ZNF280B: variants seen among roughly 807,000 people sequenced by gnomAD.
ZNF280B encodes suppressor of hairy wing homolog 2.
In ZNF280B, 16 loss-of-function variants were observed where a neutral mutation model predicts 38.0. The ratio of observed to expected loss-of-function variants is 0.42; its 90% confidence interval spans 0.28 to 0.64. The LOEUF (loss-of-function observed/expected upper bound fraction) is 0.64. ZNF280B is among the 30% of genes least tolerant of loss of function. ZNF280B has a pLI of 0.21. For missense variants in ZNF280B, 581 were observed against 639.6 expected, an observed-to-expected ratio of 0.91 and a Z score of 0.99; for synonymous variants, 253 against 230.6, an observed-to-expected ratio of 1.10 and a Z score of -0.88.
intron 2 of ZNF280B, among the ~76,000 whole-genome samples, chr22:22,502,366 C>T (rs573660369): frequency 6.6e-6 from 1 of 152,010 alleles, no homozygotes; most frequent in South Asian, 2.1e-4. Flanking sequence ...TAAACTTGTA[C>T]TTTGGAAAAG....
intron 2 of ZNF280B, among the ~76,000 whole-genome samples, chr22:22,506,955 A>C (rs540634273): frequency 2.6e-5 from 4 of 152,012 alleles, no homozygotes; most frequent in African/African-American, 9.6e-5. Context: ...GGCCTGTGGG[A>C]TCAAGCACAT....
At chr22:22,493,998 T>A (rs959200205) in intron 3 of ZNF280B, 65 bp downstream of exon 3, 1 of 151,046 alleles carries the variant, frequency 6.6e-6, no homozygotes, top group East Asian at 2.0e-4. Flanking sequence ...CAGGTTAAGA[T>A]GTATTCATGA....
At chr22:22,491,612 C>G (rs1431448630) in intron 3 of ZNF280B, among the ~76,000 whole-genome samples, 6 of 151,716 alleles carry the variant, frequency 4.0e-5, no homozygotes, top group African/African-American at 1.5e-4. Context: ...GCACATGCCA[C>G]CACACCCAGC....
Position 22,496,521 on chromosome 22 carries a change from G to C in ZNF280B, c.-186-2341C>G, listed in dbSNP as rs2061698646. 2.0e-5 allele frequency among the ~76,000 whole-genome samples: 3 copies of C among 151,870 alleles called. 1 individual carries two copies. Among genetic ancestry groups the C allele is most frequent in the Non-Finnish European group, 4.4e-5 (3 of 68,010 alleles). ...TGTTTTATTTAGTTGCCCTGGGATG[G>C]AATACAAATGTTTGCTGTAGTTTTA... On this transcript the variant is annotated intron_variant, in intron 2 of 3. Transcript: ENST00000626650.
chr22:22,495,467 A>G (rs2061675481), intron 2 of ZNF280B, among the ~76,000 whole-genome samples: 1 of 152,024 alleles, frequency 6.6e-6, no homozygotes, highest in African/African-American at 2.4e-5. Context: ...GATAGTAAGT[A>G]TAATAAAAAT....
In ZNF280B at chr22:22,489,460, C is replaced by T; in HGVS notation, c.-62G>A. ...AGTCCCAATGCTTCCTTTATATAAA[C>T]TGCCACCTAAGTACAAACATACATC... On this transcript the variant is annotated 5_prime_UTR_variant, in exon 4 of 4. Coordinates refer to ENST00000626650, the MANE Select transcript of ZNF280B (RefSeq NM_080764.4). The T allele has an allele frequency of 7.0e-7, 1 of 1,424,812 alleles. No individual in the cohort carries two copies. The highest frequency in any genetic ancestry group is 9.5e-7 in the Non-Finnish European group (1 of 1,054,194). The allele number at this position is 1,424,812 out of a possible 1,614,324, so 88.3% of individuals were successfully genotyped here. A position where few individuals can be genotyped will look rare whatever the true frequency, so the allele number is the denominator to read the frequency against.
rs2061519867 is a variant in ZNF280B at position 22,487,645 on chromosome 22, T to C, written c.*122A>G. 1.3e-6 allele frequency: 1 copy of C among 747,294 alleles called. No individual in the cohort carries two copies. Among genetic ancestry groups the C allele is most frequent in the Non-Finnish European group, 2.1e-6 (1 of 471,352 alleles). 46.3% of individuals were successfully genotyped at this position (747,294 alleles called of 1,614,324 possible). A position where few individuals can be genotyped will look rare whatever the true frequency, so the allele number is the denominator to read the frequency against. On this transcript the variant is annotated 3_prime_UTR_variant, in exon 4 of 4. Transcript: ENST00000626650. ...ATCCTGAATCTTGTTTAAAAAGTCA[T>C]ATATAATCCACTAGTTTCACTATTT...
rs372220261 is a variant in ZNF280B, at chr22:22,497,439, G to A, written c.-186-3259C>T. 6.0e-4 allele frequency among the ~76,000 whole-genome samples: 91 copies of A among 151,760 alleles called. 3 individuals carry two copies. Among genetic ancestry groups the A allele is most frequent in the South Asian group, 5.0e-3 (24 of 4,784 alleles). On this transcript the variant is annotated intron_variant, in intron 2 of 3. Coordinates refer to ENST00000626650, the MANE Select transcript of ZNF280B (RefSeq NM_080764.4). ...CCAGCTACTTGGTAGGCTGAGGCAA[G>A]AGAATCAATTGAACCCGGGAGGCGG...
rs918936705 is a variant in ZNF280B at position 22,506,662 on chromosome 22, T to G, written c.-187+1148A>C. On this transcript the variant is annotated intron_variant, in intron 2 of 3. Coordinates refer to ENST00000626650, the MANE Select transcript of ZNF280B (RefSeq NM_080764.4). Reference sequence around the variant, plus strand: ...AGGTGAGGTGATGGTACAATCAGTATGTTTGCTATATTAATGATCTGGAGA... The same window carrying G: ...AGGTGAGGTGATGGTACAATCAGTAGGTTTGCTATATTAATGATCTGGAGA... 2.0e-5 allele frequency among the ~76,000 whole-genome samples: 3 copies of G among 151,852 alleles called. No homozygotes were observed. In the East Asian group the frequency reaches 5.9e-4, roughly 30 times the overall value.
At position 22,496,081 on chromosome 22, in the gene ZNF280B, C is replaced by G. The variant is rs552032558; in HGVS notation, c.-186-1901G>C. Among the ~76,000 whole-genome samples, 3 of 148,868 alleles carry G rather than the reference C, an allele frequency of 2.0e-5. No homozygotes were observed. In the South Asian group the frequency reaches 6.5e-4, roughly 32 times the overall value. The stretch of plus-strand genomic sequence containing the variant: ...TCGGCCTCCCAAAATGCTGAGATTA[C>G]AGGCGTGAGCCACTGCGCCTGGCCT... On this transcript the variant is annotated intron_variant, in intron 2 of 3. Coordinates refer to ENST00000626650, the MANE Select transcript of ZNF280B (RefSeq NM_080764.4).
chr22:22,498,947 G>A (rs1437457091), intron 2 of ZNF280B, among the ~76,000 whole-genome samples: 3 of 151,566 alleles, frequency 2.0e-5, no homozygotes, highest in East Asian at 2.0e-4. Flanking sequence ...ACAGGAGCCC[G>A]CCATCACGCC....
chr22:22,491,463 T>C (rs1305228865), intron 3 of ZNF280B, among the ~76,000 whole-genome samples: 5 of 145,402 alleles, frequency 3.4e-5, no homozygotes, highest in East Asian at 4.0e-4. Flanking sequence ...TTTTCTTTTT[T>C]TTTTTTTTTT....
At chr22:22,497,284 A>G (rs2061721139) in intron 2 of ZNF280B, among the ~76,000 whole-genome samples, 1 of 135,448 alleles carries the variant, frequency 7.4e-6, no homozygotes, top group African/African-American at 2.7e-5. Context: ...TAATCCCAGC[A>G]CTTTGGGAGG....
chr22:22,499,328 G>A (rs896907781), intron 2 of ZNF280B, among the ~76,000 whole-genome samples: 3 of 151,176 alleles, frequency 2.0e-5, no homozygotes, highest in Admixed American at 1.3e-4. Context: ...GAAATGGCAC[G>A]ATCTTGGCTG....
At position 22,488,103 on chromosome 22, in the gene ZNF280B, C is replaced by T. The variant is rs1328215137; in HGVS notation, c.1296G>A (p.Leu432=). Residue 432 remains leucine, a synonymous_variant, in exon 4 of 4, where the codon TTG becomes TTA. Coordinates refer to ENST00000626650, the MANE Select transcript of ZNF280B (RefSeq NM_080764.4). ...FRTCHENTKN[L]LCPFCLKIFK... ...AAATTTTGAGACAAAAGGGACAAAG[C>T]AAATTCTTTGTGTTTTCATGGCACG... The T allele has an allele frequency of 1.2e-6, 2 of 1,613,852 alleles. No individual in the cohort carries two copies. The highest frequency in any genetic ancestry group is 1.7e-6 in the Non-Finnish European group (2 of 1,179,958).
At chr22:22,497,964 T>C (rs1312481789) in intron 2 of ZNF280B, among the ~76,000 whole-genome samples, 2 of 151,894 alleles carry the variant, frequency 1.3e-5, no homozygotes, top group Non-Finnish European at 2.9e-5. Flanking sequence ...TAAATGTCCA[T>C]CAATGGATGA....
At chr22:22,492,991 AT>A (rs2061626571) in intron 3 of ZNF280B, among the ~76,000 whole-genome samples, 1 of 151,772 alleles carries the variant, frequency 6.6e-6, no homozygotes, top group Non-Finnish European at 1.5e-5. Flanking sequence ...TTATCTGAAG[AT>A]TAATTAGTTT....
At position 22,489,046 on chromosome 22, in the gene ZNF280B, A is replaced by G; in HGVS notation, c.353T>C (p.Ile118Thr). ...ESRSTDSPII[I>T]EPLSKPDYRN... The stretch of plus-strand genomic sequence containing the variant: ...ATAATCAGGTTTAGACAAAGGCTCA[A>G]TAATAATAGGACTATCTGTTGATCT... The change falls in exon 4 of 4, where the codon ATT becomes ACT. Residue 118 changes from isoleucine (I) to threonine (T), a missense_variant. Physicochemically the swap from Ile to Thr is moderately conservative, Grantham distance 89. Transcript: ENST00000626650. 2 of 1,613,906 alleles carry G rather than the reference A, an allele frequency of 1.2e-6. No homozygotes were observed. Among genetic ancestry groups the G allele is most frequent in the Non-Finnish European group, 1.7e-6 (2 of 1,179,970 alleles).
intron 2 of ZNF280B, among the ~76,000 whole-genome samples, chr22:22,497,776 G>A (rs1378475440): frequency 2.6e-5 from 4 of 151,864 alleles, no homozygotes; most frequent in South Asian, 2.1e-4. Flanking sequence ...GGAAATTAAC[G>A]AAAGCTTGTA....
Sources: allele counts gnomAD v4.1 joint callset (sites outside exome capture counted in the v4.1 genomes callset), GRCh38; gene constraint gnomAD v4.1.1; transcripts MANE v1.5; gene names NCBI Gene and HGNC (gene_info 2026-07-23, HGNC 2026-07-21).